Variants in PHACTR1 observed in about 807,000 individuals in gnomAD.
The protein encoded by PHACTR1 is phosphatase and actin regulator 1.
A neutral mutation model predicts 69.2 loss-of-function variants in PHACTR1; 16 were observed. The ratio of observed to expected loss-of-function variants is 0.23; its 90% confidence interval spans 0.16 to 0.35. The LOEUF (loss-of-function observed/expected upper bound fraction) is 0.35, where lower values mean the gene tolerates loss of function less well. Among genes scored for constraint, PHACTR1 ranks in the 10% least tolerant of loss-of-function variants. PHACTR1 has a pLI of 1.00. For synonymous variants in PHACTR1, 312 were observed against 284.5 expected, an observed-to-expected ratio of 1.10 and a Z score of -0.97; for missense variants, 510 against 734.7, an observed-to-expected ratio of 0.69 and a Z score of 3.54.
At chr6:12,939,890 T>C (rs1266533138) in intron 4 of PHACTR1, among the ~76,000 whole-genome samples, 1 of 152,208 alleles carries the variant, frequency 6.6e-6, no homozygotes, top group Admixed American at 6.5e-5. Context: ...TATAATGAAT[T>C]TGGGTGGCAG....
At chr6:12,779,527 TTAAATAAA>T (rs10691503) in intron 4 of PHACTR1, among the ~76,000 whole-genome samples, 3 of 151,132 alleles carry the variant, frequency 2.0e-5, no homozygotes, top group Admixed American at 6.6e-5. Context: ...TGACCGCTTC[TTAAATAAA>T]TAAATAAATA....
At chr6:12,933,545 G>T in intron 4 of PHACTR1, 2 of 1,556,592 alleles carry the variant, frequency 1.3e-6, no homozygotes, top group East Asian at 4.5e-5. Flanking sequence ...TAATATAATG[G>T]ATCTCGCCAG....
intron 4 of PHACTR1, among the ~76,000 whole-genome samples, chr6:12,842,843 C>A (rs1211249281): frequency 3.3e-5 from 5 of 152,052 alleles, no homozygotes; most frequent in Admixed American, 1.3e-4. Context: ...CCACACCCGG[C>A]CTAAAGGTGT....
chr6:13,256,490 C>T (rs1398635996), intron 10 of PHACTR1, among the ~76,000 whole-genome samples: 1 of 152,230 alleles, frequency 6.6e-6, no homozygotes, highest in Non-Finnish European at 1.5e-5. Flanking sequence ...GCAAAGTTTC[C>T]ACTTTTACCC....
At chr6:12,854,888 T>G (rs1190132980) in intron 4 of PHACTR1, among the ~76,000 whole-genome samples, 1 of 152,114 alleles carries the variant, frequency 6.6e-6, no homozygotes, top group Non-Finnish European at 1.5e-5. Flanking sequence ...TCAAAAAATG[T>G]CAGCTGTTGG....
chr6:12,824,055 C>T (rs568860482), intron 4 of PHACTR1, among the ~76,000 whole-genome samples: 20 of 152,240 alleles, frequency 1.3e-4, no homozygotes, highest in African/African-American at 4.3e-4. Flanking sequence ...GCAGGCGGAA[C>T]GTCATTTGTG....
intron 4 of PHACTR1, among the ~76,000 whole-genome samples, chr6:12,751,025 T>C (rs1458214048): frequency 6.6e-6 from 1 of 152,166 alleles, no homozygotes; most frequent in Non-Finnish European, 1.5e-5. Context: ...GTGCATGTGT[T>C]AGAGCAAAGA....
At chr6:13,155,793 C>G (rs1223863924) in intron 5 of PHACTR1, among the ~76,000 whole-genome samples, 1 of 151,840 alleles carries the variant, frequency 6.6e-6, no homozygotes, top group East Asian at 1.9e-4. Context: ...GAGGCTGAGG[C>G]AGGAGAATCA....
At chr6:13,126,760 A>AGCTG (rs973380597) in intron 5 of PHACTR1, among the ~76,000 whole-genome samples, 20 of 152,250 alleles carry the variant, frequency 1.3e-4, no homozygotes, top group Non-Finnish European at 2.6e-4. Flanking sequence ...TAACTTGCCC[A>AGCTG]GGATCACACA....
rs1363827892 is a variant in PHACTR1 at position 13,283,767 on chromosome 6, A to G, written c.1650+205A>G. On this transcript the variant is annotated intron_variant, in intron 13 of 14. Coordinates refer to ENST00000332995, the MANE Select transcript of PHACTR1 (RefSeq NM_030948.6). The surrounding 1 kb of genome is among the most constrained non-coding windows in gnomAD (Gnocchi z 4.7). ...CTGAATCGGAGAAAACACAAGGCAC[A>G]TAATACTGTGCCCATTTTACAGGAG... 5.8e-6 allele frequency: 4 copies of G among 691,374 alleles called. No individual in the cohort carries two copies. The highest frequency in any genetic ancestry group is 5.8e-5 in the East Asian group (2 of 34,654). The allele number at this position is 691,374 out of a possible 1,614,324, so 42.8% of individuals were successfully genotyped here.
intron 5 of PHACTR1, among the ~76,000 whole-genome samples, chr6:13,107,314 G>GT (rs1816332227): frequency 6.6e-6 from 1 of 152,196 alleles, no homozygotes; most frequent in South Asian, 2.1e-4. Context: ...GTCTCGCTAT[G>GT]TTGCCAGGGC....
At chr6:12,743,073 G>A (rs1389187640) in intron 3 of PHACTR1, among the ~76,000 whole-genome samples, 1 of 151,762 alleles carries the variant, frequency 6.6e-6, no homozygotes, top group Non-Finnish European at 1.5e-5. Context: ...CCAGAATTTA[G>A]AGTATTAATC....
chr6:13,132,149 T>C (rs1241560482), intron 5 of PHACTR1, among the ~76,000 whole-genome samples: 1 of 152,202 alleles, frequency 6.6e-6, no homozygotes, highest in Non-Finnish European at 1.5e-5. Context: ...ATCTTTCAGA[T>C]TTAGTAACTC....
chr6:13,203,814 G>A (rs918277106), intron 7 of PHACTR1, among the ~76,000 whole-genome samples: 9 of 152,168 alleles, frequency 5.9e-5, no homozygotes, highest in Non-Finnish European at 1.2e-4. Flanking sequence ...TGAGAAAAGT[G>A]GGCTGGAACT....
At chr6:13,131,246 C>CACACACACACACA (rs1234018765) in intron 5 of PHACTR1, among the ~76,000 whole-genome samples, 1 of 147,574 alleles carries the variant, frequency 6.8e-6, no homozygotes, top group African/African-American at 2.5e-5. Context: ...CACACACACA[C>CACACACACACACA]CATGGAATAC....
chr6:13,253,178 C>G (rs1179573713), intron 10 of PHACTR1: 2 of 309,744 alleles, frequency 6.5e-6, no homozygotes, highest in Admixed American at 6.8e-5. Context: ...GAGATTGGCC[C>G]TTTGCGGGTG....
chr6:13,236,126 T>A (rs1758673661), intron 10 of PHACTR1, among the ~76,000 whole-genome samples: 1 of 151,146 alleles, frequency 6.6e-6, no homozygotes, highest in Non-Finnish European at 1.5e-5. Flanking sequence ...TTGACCAGAA[T>A]TTTTTCATCA....
chr6:12,845,786 G>A (rs1259903544), intron 4 of PHACTR1, among the ~76,000 whole-genome samples: 1 of 152,082 alleles, frequency 6.6e-6, no homozygotes, highest in African/African-American at 2.4e-5. Flanking sequence ...CTTTTAAAAG[G>A]TGATTTGTCT....
chr6:12,921,330 G>C (rs1423154659), intron 4 of PHACTR1, among the ~76,000 whole-genome samples: 1 of 152,124 alleles, frequency 6.6e-6, no homozygotes, highest in Admixed American at 6.5e-5. Flanking sequence ...TAACTAATGA[G>C]TATCTACCAA....
Sources: allele counts gnomAD v4.1 joint callset (sites outside exome capture counted in the v4.1 genomes callset), GRCh38; gene constraint gnomAD v4.1.1; non-coding constraint Gnocchi (gnomAD v3.1); transcripts MANE v1.5; gene names NCBI Gene and HGNC (gene_info 2026-07-23, HGNC 2026-07-21).